ADGRB3: variants seen among roughly 807,000 people sequenced by gnomAD.
ADGRB3 encodes the protein adhesion G protein-coupled receptor B3.
A neutral mutation model predicts 193.4 loss-of-function variants in ADGRB3; 37 were observed. The ratio of observed to expected loss-of-function variants is 0.19; its 90% CI spans 0.15 to 0.25. ADGRB3 has a LOEUF of 0.25. Ranked by LOEUF, ADGRB3 falls within the 10% of genes least tolerant of loss-of-function variation. The pLI is 1.00. For synonymous variants in ADGRB3, 690 were observed against 644.2 expected (o/e 1.07, Z -1.08); for missense variants, 1,637 against 1,852.9 (o/e 0.88, Z 2.14).
intron 17 of ADGRB3, among the ~76,000 whole-genome samples, chr6:69,202,670 G>C (rs184517561): frequency 5.3e-5 from 8 of 152,116 alleles, no homozygotes; most frequent in Non-Finnish European, 1.2e-4. Context: ...GATAGTTGAG[G>C]GTTGACTATG....
chr6:69,377,211 G>C (rs1296402685), intron 30 of ADGRB3, among the ~76,000 whole-genome samples: 1 of 151,976 alleles, frequency 6.6e-6, no homozygotes, highest in Non-Finnish European at 1.5e-5. Flanking sequence ...GGAATACAGG[G>C]CTCAGAAAAT....
chr6:69,101,207 C>T (rs1773045416), intron 17 of ADGRB3, among the ~76,000 whole-genome samples: 1 of 152,162 alleles, frequency 6.6e-6, no homozygotes, highest in African/African-American at 2.4e-5. Flanking sequence ...GTATAAAATG[C>T]TTCCAGAGTG....
intron 3 of ADGRB3, among the ~76,000 whole-genome samples, chr6:68,897,502 GAGGA>G (rs373217365): frequency 5.5e-5 from 4 of 73,044 alleles, no homozygotes; most frequent in East Asian, 3.5e-4. Context: ...AGGGAGGGAA[GAGGA>G]AGGAAGGAAG....
At chr6:69,038,638 G>T (rs1301561958) in intron 13 of ADGRB3, among the ~76,000 whole-genome samples, 1 of 152,104 alleles carries the variant, frequency 6.6e-6, no homozygotes, top group Non-Finnish European at 1.5e-5. Context: ...GTTTCTAAAA[G>T]ACCATAAAAC....
At chr6:68,833,835 TA>T (rs1405508416) in intron 3 of ADGRB3, among the ~76,000 whole-genome samples, 2 of 151,906 alleles carry the variant, frequency 1.3e-5, no homozygotes, top group Non-Finnish European at 2.9e-5. Context: ...CAAACAAATA[TA>T]TTTTTCTGGA....
intron 10 of ADGRB3, 28 bp from the exon 11 acceptor site, chr6:68,993,740 G>C: frequency 6.3e-7 from 1 of 1,590,500 alleles, no homozygotes; most frequent in Non-Finnish European, 8.6e-7. Flanking sequence ...AGATTCTGAT[G>C]TTTGCTCTGT....
chr6:69,134,782 A>AT (rs1774106234), intron 17 of ADGRB3, among the ~76,000 whole-genome samples: 1 of 151,932 alleles, frequency 6.6e-6, no homozygotes, highest in Non-Finnish European at 1.5e-5. Flanking sequence ...ACCTAAAATA[A>AT]TTGGAGAATA....
intron 11 of ADGRB3, among the ~76,000 whole-genome samples, chr6:69,010,709 T>C (rs913340882): frequency 2.7e-5 from 4 of 150,152 alleles, no homozygotes; most frequent in African/African-American, 7.4e-5. Flanking sequence ...CTCCAAACAG[T>C]TCAGATTCTG....
intron 28 of ADGRB3, 39 bp from the exon 29 acceptor site, chr6:69,360,830 A>G (rs950000691): frequency 3.3e-6 from 5 of 1,524,126 alleles, no homozygotes; most frequent in Non-Finnish European, 4.4e-6. Context: ...ATAAACACAC[A>G]TTAACTCTCT....
chr6:69,302,570 A>G (rs1767968703), intron 20 of ADGRB3, among the ~76,000 whole-genome samples: 1 of 151,962 alleles, frequency 6.6e-6, no homozygotes. Context: ...AACGTCTGTA[A>G]TAAGCCTCTA....
chr6:68,799,326 A>G (rs1767270347), intron 3 of ADGRB3, among the ~76,000 whole-genome samples: 1 of 152,170 alleles, frequency 6.6e-6, no homozygotes, highest in African/African-American at 2.4e-5. Flanking sequence ...GAAACACAGA[A>G]TCTTATATTT....
chr6:68,951,181 TA>T (rs889590850), intron 6 of ADGRB3, among the ~76,000 whole-genome samples: 22 of 152,084 alleles, frequency 1.4e-4, no homozygotes, highest in African/African-American at 4.8e-4. Context: ...TTCTGGATTT[TA>T]AAAAAAATAT....
chr6:69,163,431 C>G (rs1277470183), intron 17 of ADGRB3, among the ~76,000 whole-genome samples: 1 of 151,916 alleles, frequency 6.6e-6, no homozygotes, highest in Non-Finnish European at 1.5e-5. Flanking sequence ...CTGCAAATTA[C>G]AAATGGACAT....
At chr6:69,084,488 G>A (rs1358364309) in intron 17 of ADGRB3, among the ~76,000 whole-genome samples, 1 of 152,112 alleles carries the variant, frequency 6.6e-6, no homozygotes, top group South Asian at 2.1e-4. Flanking sequence ...AACATTGCCA[G>A]TGATATCTAG....
intron 13 of ADGRB3, among the ~76,000 whole-genome samples, chr6:69,032,315 A>G (rs913707870): frequency 3.9e-5 from 6 of 152,362 alleles, no homozygotes; most frequent in East Asian, 1.9e-4. Flanking sequence ...TTTGAATTTT[A>G]TAAAATATTA....
chr6:68,921,083 A>T, intron 3 of ADGRB3, among the ~76,000 whole-genome samples: 1 of 152,200 alleles, frequency 6.6e-6, no homozygotes, highest in East Asian at 1.9e-4. Flanking sequence ...ATCCAAAAAA[A>T]ATTAGGAAAA....
At chr6:69,272,746 T>C (rs567021157) in intron 20 of ADGRB3, among the ~76,000 whole-genome samples, 1 of 152,298 alleles carries the variant, frequency 6.6e-6, no homozygotes, top group African/African-American at 2.4e-5. Context: ...TGATGACTTC[T>C]CAAGTAGGGT....
intron 17 of ADGRB3, among the ~76,000 whole-genome samples, chr6:69,081,185 A>G (rs1772376650): frequency 6.6e-6 from 1 of 152,050 alleles, no homozygotes; most frequent in South Asian, 2.1e-4. Flanking sequence ...TCCATTATCC[A>G]TTCAGGTCCA....
intron 19 of ADGRB3, among the ~76,000 whole-genome samples, chr6:69,237,146 C>G (rs1386805609): frequency 6.6e-6 from 1 of 151,900 alleles, no homozygotes; most frequent in African/African-American, 2.4e-5. Context: ...AAGTATTATC[C>G]TTGCTTACTA....
Sources: allele counts gnomAD v4.1 joint callset (sites outside exome capture counted in the v4.1 genomes callset), GRCh38; gene constraint gnomAD v4.1.1; transcripts MANE v1.5; gene names NCBI Gene and HGNC (gene_info 2026-07-23, HGNC 2026-07-21).